Variants in DPP4 observed in about 807,000 individuals in gnomAD.
DPP4 encodes ADCP-2.
A neutral mutation model predicts 122.4 loss-of-function variants in DPP4; 93 were observed. The observed-to-expected ratio is 0.76, with a 90% CI of 0.64 to 0.90. DPP4 has a LOEUF of 0.90. Ranked by LOEUF, DPP4 falls within the 40% of genes least tolerant of loss-of-function variation. DPP4 has a pLI of 0.00. For missense variants in DPP4, 914 were observed against 907.3 expected (o/e 1.01, Z -0.09); for synonymous variants, 321 against 302.9 (o/e 1.06, Z -0.62).
At chr2:162,050,537 G>T (rs1684345282) in intron 2 of DPP4, among the ~76,000 whole-genome samples, 3 of 152,120 alleles carry the variant, frequency 2.0e-5, no homozygotes, top group African/African-American at 7.2e-5. Context: ...GGACATCCCT[G>T]CAAGGCCCAG....
Position 162,047,521 on chromosome 2 carries a change from A to G in DPP4, c.95-20T>C. Reference sequence around the variant, plus strand: ...CATCTGCTGGTTGAAAGAAAGAGCCAAATGTTCATTTCAGTAAGATGGAAT... The same window carrying G: ...CATCTGCTGGTTGAAAGAAAGAGCCGAATGTTCATTTCAGTAAGATGGAAT... On this transcript the variant is annotated intron_variant, in intron 2 of 25. Transcript: ENST00000360534. The G allele has an allele frequency of 6.6e-7, 1 of 1,510,028 alleles. No individual in the cohort carries two copies. The allele number at this position is 1,510,028 out of a possible 1,614,324, so 93.5% of individuals were successfully genotyped here.
intron 23 of DPP4, among the ~76,000 whole-genome samples, chr2:161,995,717 T>A (rs1700983821): frequency 6.6e-6 from 1 of 152,196 alleles, no homozygotes; most frequent in South Asian, 2.1e-4. Context: ...TAATGTATGT[T>A]CCATGGGCTT....
At chr2:162,012,944 A>G (rs1682756685) in intron 19 of DPP4, among the ~76,000 whole-genome samples, 1 of 152,076 alleles carries the variant, frequency 6.6e-6, no homozygotes, top group Non-Finnish European at 1.5e-5. Context: ...TTCGTTTTAA[A>G]CAAAACACTA....
Position 162,074,071 on chromosome 2 carries a change from C to G in DPP4, c.-90G>C, listed in dbSNP as rs1385943082. The G allele has an allele frequency of 3.3e-6, 5 of 1,534,266 alleles. No individual in the cohort carries two copies. In the East Asian group the frequency reaches 9.5e-5, roughly 29 times the overall value. Reference sequence around the variant, plus strand: ...CGGAGACGCGCGTCCTGCACCGCTGCTCCGGGCGGTGGAGTCACTCGCCGC... The same window carrying G: ...CGGAGACGCGCGTCCTGCACCGCTGGTCCGGGCGGTGGAGTCACTCGCCGC... On this transcript the variant is annotated 5_prime_UTR_variant, in exon 1 of 26. Transcript: ENST00000360534.
At chr2:162,010,569 C>A (rs977991871) in intron 20 of DPP4, among the ~76,000 whole-genome samples, 1 of 152,076 alleles carries the variant, frequency 6.6e-6, no homozygotes, top group Non-Finnish European at 1.5e-5. Flanking sequence ...TATAGTAGAT[C>A]CTTAATTTTG....
intron 10 of DPP4, among the ~76,000 whole-genome samples, chr2:162,025,239 G>C (rs548504289): frequency 2.6e-4 from 39 of 152,180 alleles, no homozygotes; most frequent in Non-Finnish European, 5.3e-4. Flanking sequence ...TCTTCAGCTT[G>C]GCCTTTGGTA....
In DPP4 at chr2:161,995,044, G is replaced by A; in HGVS notation, c.2126-10C>T. The A allele has an allele frequency of 6.2e-7, 1 of 1,613,960 alleles. No homozygotes were observed. Among genetic ancestry groups the A allele is most frequent in the South Asian group, 1.1e-5 (1 of 91,074 alleles). ...TGAAAGTGAACGTTATCTGCAGGGA[G>A]AGAAAGGAAACATAAAGTAGCTAAT... is the stretch of plus-strand genomic sequence containing the variant. On this transcript the variant is annotated splice_polypyrimidine_tract_variant and intron_variant, in intron 24 of 25. Transcript: ENST00000360534.
chr2:162,008,003 A>T (rs1429049279), intron 22 of DPP4, among the ~76,000 whole-genome samples: 4 of 151,398 alleles, frequency 2.6e-5, no homozygotes, highest in African/African-American at 9.7e-5. Flanking sequence ...TCCATCGCTT[A>T]CTCCCTCCCC....
At chr2:162,024,085 G>A (rs1408903465) in intron 11 of DPP4, among the ~76,000 whole-genome samples, 1 of 152,232 alleles carries the variant, frequency 6.6e-6, no homozygotes, top group Non-Finnish European at 1.5e-5. Context: ...TGAGAGCAGG[G>A]ATGGTAGGTG....
intron 1 of DPP4, 122 bp downstream of exon 1, chr2:162,073,854 C>T (rs1463199067): frequency 7.4e-7 from 1 of 1,355,636 alleles, no homozygotes; most frequent in South Asian, 1.4e-5. Flanking sequence ...CAGAGGGTGG[C>T]CTTGGGGCTT....
chr2:162,046,556 G>C (rs1684178579), intron 4 of DPP4: 1 of 348,910 alleles, frequency 2.9e-6, no homozygotes. Flanking sequence ...TTAAATCTGG[G>C]AGAAGGTTAG....
intron 2 of DPP4, among the ~76,000 whole-genome samples, chr2:162,055,707 G>C (rs1039597112): frequency 1.3e-5 from 2 of 152,014 alleles, no homozygotes; most frequent in Admixed American, 6.6e-5. Flanking sequence ...GTACATCCAG[G>C]GGCATATGAT....
At chr2:162,038,734 T>A (rs1050837926) in intron 7 of DPP4, among the ~76,000 whole-genome samples, 1 of 152,174 alleles carries the variant, frequency 6.6e-6, no homozygotes, top group Non-Finnish European at 1.5e-5. Flanking sequence ...TATGCTTGTA[T>A]ATTTCTTTAT....
chr2:161,994,666 G>A (rs1380775371), intron 25 of DPP4, among the ~76,000 whole-genome samples: 1 of 152,152 alleles, frequency 6.6e-6, no homozygotes, highest in Admixed American at 6.5e-5. Context: ...CTGAACAAGT[G>A]ATTACTTTTG....
At chr2:162,018,695 C>A (rs1308435751) in intron 16 of DPP4, 34 bp downstream of exon 16, 1 of 1,605,182 alleles carries the variant, frequency 6.2e-7, no homozygotes, top group Non-Finnish European at 8.5e-7. Context: ...GTAACAGCGG[C>A]GACTGCCCTC....
rs1683633778 is a variant in DPP4, at chr2:162,033,411, A to G, written c.887+130T>C. The G allele has an allele frequency of 6.6e-6, 4 of 606,814 alleles. No individual in the cohort carries two copies. In the South Asian group the frequency reaches 8.9e-5, roughly 14 times the overall value. The allele number at this position is 606,814 out of a possible 1,614,324, so 37.6% of individuals were successfully genotyped here. On this transcript the variant is annotated intron_variant, in intron 10 of 25. Coordinates refer to ENST00000360534, the MANE Select transcript of DPP4 (RefSeq NM_001935.4). ...GCTCAACAAAGAGTTGCTGAAGGAAAGAATGAATGACTGTCAGCGGGGATG... is the reference window on the plus strand; with the variant it reads ...GCTCAACAAAGAGTTGCTGAAGGAAGGAATGAATGACTGTCAGCGGGGATG...
chr2:162,039,043 A>T (rs371115513), intron 6 of DPP4, 22 bp from the exon 7 acceptor site: 37 of 1,613,090 alleles, frequency 2.3e-5, no homozygotes, highest in South Asian at 5.5e-5. Flanking sequence ...ATGAAAGGAA[A>T]TATTATCAAA....
intron 2 of DPP4, among the ~76,000 whole-genome samples, chr2:162,051,512 A>G (rs1181313861): frequency 1.3e-5 from 2 of 152,248 alleles, no homozygotes; most frequent in East Asian, 1.9e-4. Flanking sequence ...GTTACGGCAC[A>G]TAACTGTGGA....
chr2:162,066,956 C>A (rs941967246), intron 2 of DPP4, among the ~76,000 whole-genome samples: 3 of 46,540 alleles, frequency 6.4e-5, no homozygotes, highest in Admixed American at 4.7e-4. Flanking sequence ...ACCTCCAACA[C>A]TGGAGATCAA....
Sources: allele counts gnomAD v4.1 joint callset (sites outside exome capture counted in the v4.1 genomes callset), GRCh38; gene constraint gnomAD v4.1.1; transcripts MANE v1.5; gene names NCBI Gene and HGNC (gene_info 2026-07-23, HGNC 2026-07-21).